Variants in PSMD8 observed in about 807,000 individuals in gnomAD.
The protein encoded by PSMD8 is proteasome 26S subunit, non-ATPase 8, also known as 26S proteasome non-ATPase regulatory subunit 8.
A neutral mutation model predicts 40.0 loss-of-function variants in PSMD8; 30 were observed. The observed-to-expected ratio is 0.75, with a 90% CI of 0.56 to 1.02. PSMD8 has a LOEUF of 1.02. PSMD8 is among the 50% of genes least tolerant of loss of function. PSMD8 has a pLI of 0.00. For missense variants in PSMD8, 461 were observed against 463.9 expected (o/e 0.99, Z 0.06); for synonymous variants, 208 against 192.5 (o/e 1.08, Z -0.67).
chr19:38,382,460 C>G, intron 6 of PSMD8: 6 of 575,186 alleles, frequency 1.0e-5, no homozygotes, highest in Non-Finnish European at 1.9e-5. Flanking sequence ...GCGCTGCACG[C>G]ATGTTGGCTG....
chr19:38,376,873 A>C (rs935978710), intron 3 of PSMD8, among the ~76,000 whole-genome samples: 1 of 152,096 alleles, frequency 6.6e-6, no homozygotes, highest in African/African-American at 2.4e-5. Context: ...GTTCCAGCTC[A>C]CACCCCTCTG....
At chr19:38,376,009 G>C (rs1568387216) in intron 1 of PSMD8, 151 bp from the exon 2 acceptor site, 1 of 752,990 alleles carries the variant, frequency 1.3e-6, no homozygotes, top group Non-Finnish European at 2.2e-6. Flanking sequence ...CTCAGGCCCT[G>C]TTCTGAGTGC....
At chr19:38,375,593 A>C in intron 1 of PSMD8, 1 of 174,496 alleles carries the variant, frequency 5.7e-6, no homozygotes, top group Non-Finnish European at 1.2e-5. Flanking sequence ...ATCTGTTGGG[A>C]GAGGGGGCAG....
Position 38,379,379 on chromosome 19 carries a change from A to G in PSMD8, c.676A>G (p.Ile226Val), listed in dbSNP as rs1391734872. Residue 226 changes from isoleucine to valine, a missense_variant, in exon 4 of 7, where the codon ATC becomes GTC. Ile to Val is a conservative substitution (Grantham distance 29). Coordinates refer to ENST00000215071, the MANE Select transcript of PSMD8 (RefSeq NM_002812.5). Reference protein sequence around the residue: ...PAKDIQTNVYIKHPVSLEQYL... With the variant: ...PAKDIQTNVYVKHPVSLEQYL... Reference sequence around the variant, plus strand: ...CAAGGACATACAGACCAATGTCTACATCAAGCACCCAGTGTCCCTGGAGCA... The same window carrying G: ...CAAGGACATACAGACCAATGTCTACGTCAAGCACCCAGTGTCCCTGGAGCA... The G allele has an allele frequency of 3.7e-6, 6 of 1,613,834 alleles. No homozygotes were observed. The highest frequency in any genetic ancestry group is 1.6e-4 in the Middle Eastern group (1 of 6,084).
At position 38,383,233 on chromosome 19, in the gene PSMD8, T is replaced by C. The variant is rs1970657979; in HGVS notation, c.916-20T>C. ...CCTTTGTGATCACTCTACTCGTCTC[T>C]AATCCCTCCTTTCCTGCAGCGAGGG... On this transcript the variant is annotated intron_variant, in intron 6 of 6. Transcript: ENST00000215071. The C allele has an allele frequency of 6.2e-7, 1 of 1,612,000 alleles. No individual in the cohort carries two copies. Among genetic ancestry groups the C allele is most frequent in the Admixed American group, 1.7e-5 (1 of 59,986 alleles).
At chr19:38,380,687 GGT>G (rs1252037495) in intron 4 of PSMD8, among the ~76,000 whole-genome samples, 1 of 117,956 alleles carries the variant, frequency 8.5e-6, no homozygotes, top group African/African-American at 3.0e-5. Flanking sequence ...AGGAAGAGGG[GGT>G]GAGAGAGAGA....
Position 38,374,907 on chromosome 19 carries a change from G to T in PSMD8, c.306G>T (p.Trp102Cys). 1 of 1,586,786 alleles carries T rather than the reference G, an allele frequency of 6.3e-7. No homozygotes were observed. Among genetic ancestry groups the T allele is most frequent in the Non-Finnish European group, 8.5e-7 (1 of 1,174,552 alleles). ...TGMYEQLKGE[W>C]NRKSPNLSKC... ...TGTACGAGCAACTCAAGGGCGAGTG[G>T]AACCGTAAAAGCCCCAATCTTAGCA... The change falls in exon 1 of 7, where the codon TGG becomes TGT. Residue 102 changes from tryptophan to cysteine, a missense_variant. Coordinates refer to ENST00000215071, the MANE Select transcript of PSMD8 (RefSeq NM_002812.5).
At chr19:38,380,107 G>A (rs1294241034) in intron 4 of PSMD8, among the ~76,000 whole-genome samples, 1 of 152,178 alleles carries the variant, frequency 6.6e-6, no homozygotes, top group African/African-American at 2.4e-5. Flanking sequence ...GGCCAACATG[G>A]TGAAACCCCG....
intron 6 of PSMD8, among the ~76,000 whole-genome samples, chr19:38,383,011 T>C (rs1970655656): frequency 6.6e-6 from 1 of 152,028 alleles, no homozygotes; most frequent in Non-Finnish European, 1.5e-5. Flanking sequence ...TCCTCAGTGC[T>C]TTAAAGATGT....
Position 38,382,214 on chromosome 19 carries a change from G to A in PSMD8, c.901G>A (p.Asp301Asn). ...CTTCAACACACCCAAAAAGATGACA[G>A]ACTACGCCAAGAAGGTGGCTGGGGT... ...LFFNTPKKMT[D>N]YAKKRGWVLG... Residue 301 changes from aspartate (D) to asparagine (N), a missense_variant, in exon 6 of 7, where the codon GAC (aspartate) becomes AAC (asparagine). Physicochemically the swap from Asp to Asn is conservative, Grantham distance 23. Around this residue, in one of 2 missense-constraint regions of PSMD8, gnomAD observed 236 missense variants for 321.2 expected, o/e 0.73. Coordinates refer to ENST00000215071, the MANE Select transcript of PSMD8 (RefSeq NM_002812.5). 1 of 1,591,762 alleles carries A rather than the reference G, an allele frequency of 6.3e-7. No homozygotes were observed. Among genetic ancestry groups the A allele is most frequent in the East Asian group, 2.3e-5 (1 of 43,882 alleles).
chr19:38,381,742 A>T (rs762464737), intron 5 of PSMD8, among the ~76,000 whole-genome samples: 6 of 151,998 alleles, frequency 3.9e-5, no homozygotes, highest in Non-Finnish European at 8.8e-5. Context: ...GTGCCTCTTG[A>T]TGGGTACAAG....
At chr19:38,382,911 G>A (rs62123480) in intron 6 of PSMD8, 2 of 247,876 alleles carry the variant, frequency 8.1e-6, no homozygotes, top group Non-Finnish European at 7.9e-6. Flanking sequence ...GACTCTGTCT[G>A]GGGAAAAAAA....
chr19:38,382,977 A>T (rs1266200381), intron 6 of PSMD8: 3 of 416,298 alleles, frequency 7.2e-6, no homozygotes, highest in Non-Finnish European at 1.3e-5. Flanking sequence ...CTGGTAACTG[A>T]TCTGTCACTC....
intron 3 of PSMD8, among the ~76,000 whole-genome samples, chr19:38,377,025 G>A (rs1428526873): frequency 6.6e-6 from 1 of 152,206 alleles, no homozygotes. Context: ...CACTGGATAT[G>A]TGTTGAATAT....
intron 1 of PSMD8, chr19:38,375,332 GGGAATGATT>G (rs1970589541): frequency 7.7e-6 from 2 of 260,244 alleles, no homozygotes. Context: ...GGGGTGGTGG[GGGAATGATT>G]GGAAGACTTA....
chr19:38,377,876 G>A (rs1425629573), intron 3 of PSMD8, among the ~76,000 whole-genome samples: 1 of 152,174 alleles, frequency 6.6e-6, no homozygotes, highest in African/African-American at 2.4e-5. Context: ...CTGACCTCAG[G>A]TGATCCACCC....
chr19:38,377,354 C>G (rs1970606208), intron 3 of PSMD8, among the ~76,000 whole-genome samples: 1 of 151,626 alleles, frequency 6.6e-6, no homozygotes, highest in Admixed American at 6.6e-5. Context: ...ACTCCTGGCT[C>G]TTTTATTTTA....
At chr19:38,382,292 G>T in intron 6 of PSMD8, 64 bp downstream of exon 6, 1 of 1,346,176 alleles carries the variant, frequency 7.4e-7, no homozygotes, top group South Asian at 1.3e-5. Context: ...AACAGTGTGG[G>T]GTGGCTTAGA....
intron 3 of PSMD8, among the ~76,000 whole-genome samples, chr19:38,378,679 C>A (rs1238606495): frequency 6.7e-6 from 1 of 148,552 alleles, no homozygotes; most frequent in African/African-American, 2.5e-5. Context: ...AAGGGCTGGG[C>A]GCAGTGGCTC....
Sources: gnomAD v4.1 joint callset for allele counts (sites outside exome capture counted in the v4.1 genomes callset) on GRCh38, gnomAD v4.1.1 for gene constraint, gnomAD v4.1.1 regional missense constraint, MANE v1.5 for transcripts, NCBI Gene and HGNC (gene_info 2026-07-23, HGNC 2026-07-21) for gene names.